The following RAD52 variants were observed in gnomAD, a reference collection of about 807,000 sequenced individuals.
RAD52 encodes the protein DNA repair protein RAD52 homolog.
A neutral mutation model predicts 55.5 loss-of-function variants in RAD52; 47 were observed. The observed-to-expected ratio is 0.85, with a 90% CI of 0.67 to 1.08. RAD52 has a LOEUF of 1.08. Ranked by LOEUF, RAD52 falls within the 50% of genes least tolerant of loss-of-function variation. The pLI, the probability that RAD52 is intolerant of heterozygous loss-of-function variation, is 0.00. For synonymous variants in RAD52, 184 were observed against 198.9 expected, an observed-to-expected ratio of 0.92 and a Z score of 0.63; for missense variants, 468 against 522.8, an observed-to-expected ratio of 0.90 and a Z score of 1.02.
intron 1 of RAD52, among the ~76,000 whole-genome samples, chr12:985,191 A>G (rs1412722585): frequency 1.3e-5 from 2 of 152,214 alleles, no homozygotes; most frequent in East Asian, 3.8e-4. Context: ...CCTAGGCTAA[A>G]GTACAGTGGC....
intron 1 of RAD52, among the ~76,000 whole-genome samples, chr12:983,657 T>C (rs1244806236): frequency 6.6e-6 from 1 of 152,148 alleles, no homozygotes; most frequent in Non-Finnish European, 1.5e-5. Flanking sequence ...TGACCTCAGG[T>C]GGTCCACCTG....
chr12:958,605 C>T (rs564005618), intron 1 of RAD52, among the ~76,000 whole-genome samples: 24 of 152,320 alleles, frequency 1.6e-4, no homozygotes, highest in Non-Finnish European at 3.2e-4. Flanking sequence ...GAAAGAAGAA[C>T]ATGCAGAACC....
chr12:946,496 A>G (rs1958235906), intron 1 of RAD52, among the ~76,000 whole-genome samples: 1 of 152,234 alleles, frequency 6.6e-6, no homozygotes, highest in African/African-American at 2.4e-5. Flanking sequence ...TATTTAATAT[A>G]TATTGTTGAT....
At chr12:936,661 TTTTTTTAAAA>T (rs1957650038) in intron 1 of RAD52, 1 of 151,968 alleles carries the variant, frequency 6.6e-6, no homozygotes, top group Non-Finnish European at 1.5e-5. Flanking sequence ...CCAGGTTAAT[TTTTTTTAAAA>T]TTTTTTTAGA....
intron 1 of RAD52, chr12:977,022 G>A (rs1958943025): frequency 1.3e-5 from 2 of 152,464 alleles, no homozygotes; most frequent in South Asian, 4.1e-4. Flanking sequence ...AGTCTGAGTT[G>A]GCTCCACAGT....
chr12:913,484 GC>G, intron 11 of RAD52, 32 bp from the exon 12 acceptor site: 1 of 1,465,250 alleles, frequency 6.8e-7, no homozygotes, highest in Non-Finnish European at 9.5e-7. Context: ...AAATGTAGCT[GC>G]CATAATTTTA....
intron 7 of RAD52, among the ~76,000 whole-genome samples, chr12:919,659 G>A (rs1161720548): frequency 2.3e-5 from 3 of 129,126 alleles, no homozygotes; most frequent in Non-Finnish European, 3.3e-5. Context: ...GCTGAGGCAC[G>A]AGAATCGCTT....
At chr12:955,397 T>C (rs1253307334) in intron 1 of RAD52, among the ~76,000 whole-genome samples, 1 of 152,182 alleles carries the variant, frequency 6.6e-6, no homozygotes, top group African/African-American at 2.4e-5. Flanking sequence ...TGATGCTTAG[T>C]CAATGGCCAT....
At chr12:972,594 G>A (rs1225494231) in intron 1 of RAD52, among the ~76,000 whole-genome samples, 3 of 150,798 alleles carry the variant, frequency 2.0e-5, no homozygotes, top group South Asian at 2.1e-4. Flanking sequence ...GTGAAACCCC[G>A]TCTCTACTAA....
At chr12:919,249 C>T (rs959569695) in intron 7 of RAD52, among the ~76,000 whole-genome samples, 1 of 151,952 alleles carries the variant, frequency 6.6e-6, no homozygotes, top group Non-Finnish European at 1.5e-5. Context: ...AGTTTGAGAT[C>T]ACCCTGGCCA....
chr12:959,397 T>G (rs1958654152), intron 1 of RAD52, among the ~76,000 whole-genome samples: 1 of 152,188 alleles, frequency 6.6e-6, no homozygotes, highest in Non-Finnish European at 1.5e-5. Context: ...TAAGAATACA[T>G]TTGTGAATGA....
chr12:985,474 T>C (rs1400374260), intron 1 of RAD52, among the ~76,000 whole-genome samples: 1 of 152,190 alleles, frequency 6.6e-6, no homozygotes, highest in Non-Finnish European at 1.5e-5. Flanking sequence ...ACTTGTCCTT[T>C]GGTCTCACAG....
At chr12:972,402 A>C (rs1227795633) in intron 1 of RAD52, among the ~76,000 whole-genome samples, 1 of 152,170 alleles carries the variant, frequency 6.6e-6, no homozygotes, top group Admixed American at 6.5e-5. Context: ...AGGCATGGTG[A>C]CATGTGAGAC....
chr12:929,841 G>GCACA lies in RAD52; in HGVS notation c.322_325dup (p.Ala109ValfsTer15). 1 of 1,613,932 alleles carries GCACA rather than the reference G, an allele frequency of 6.2e-7. No homozygotes were observed. The highest frequency in any genetic ancestry group is 1.1e-5 in the South Asian group (1 of 91,084). On this transcript the variant is annotated frameshift_variant, in exon 5 of 12. Transcript: ENST00000358495. LOFTEE classifies it high-confidence loss of function. ...CACCTTCAGCTGGACCCTCACAAATGCACAGACTCCCACGTAGAACTTGCC... is the reference window on the plus strand; with the variant it reads ...CACCTTCAGCTGGACCCTCACAAATGCACACACAGACTCCCACGTAGAACTTGCC...
At chr12:929,109 T>C (rs1811829324) in intron 5 of RAD52, among the ~76,000 whole-genome samples, 2 of 152,076 alleles carry the variant, frequency 1.3e-5, no homozygotes, top group African/African-American at 4.8e-5. Context: ...CAAGCAGTCC[T>C]TCCACCTGGG....
intron 1 of RAD52, among the ~76,000 whole-genome samples, chr12:958,085 G>A (rs1207845806): frequency 6.6e-6 from 1 of 152,226 alleles, no homozygotes; most frequent in African/African-American, 2.4e-5. Context: ...AGGTAAGGGG[G>A]CTCCGGGGCT....
chr12:912,070 G>GAATT lies in RAD52; in HGVS notation c.*1317_*1320dup, dbSNP rs1002471322. The GAATT allele has an allele frequency of 4.0e-5, 8 of 201,092 alleles. No individual in the cohort carries two copies. Among genetic ancestry groups the GAATT allele is most frequent in the African/African-American group, 1.8e-4 (8 of 43,436 alleles). The allele number at this position is 201,092 out of a possible 1,614,324, so 12.5% of individuals were successfully genotyped here. The stretch of plus-strand genomic sequence containing the variant: ...TGCAAACTTCATTATTTTGGGGGAA[G>GAATT]AATTATGAAACATCTGAGCACTATG... On this transcript the variant is annotated 3_prime_UTR_variant, in exon 12 of 12. Coordinates refer to ENST00000358495, the MANE Select transcript of RAD52 (RefSeq NM_134424.4).
intron 1 of RAD52, among the ~76,000 whole-genome samples, chr12:984,145 T>C (rs1241176112): frequency 2.0e-5 from 3 of 152,180 alleles, no homozygotes; most frequent in African/African-American, 7.2e-5. Context: ...AAACACTCCC[T>C]CTTCCCCCTC....
intron 5 of RAD52, 133 bp downstream of exon 5, chr12:929,686 C>T: frequency 2.3e-6 from 2 of 867,250 alleles, no homozygotes; most frequent in Non-Finnish European, 4.0e-6. Flanking sequence ...TGAATTCCAC[C>T]ACTCTAGGGA....
Sources: allele counts gnomAD v4.1 joint callset (sites outside exome capture counted in the v4.1 genomes callset), GRCh38; gene constraint gnomAD v4.1.1; transcripts MANE v1.5; gene names NCBI Gene and HGNC (gene_info 2026-07-23, HGNC 2026-07-21).